CADM2: variants seen among roughly 807,000 people sequenced by gnomAD.
CADM2 encodes the protein immunoglobulin superfamily member 4D.
In CADM2, 12 loss-of-function variants were observed where a neutral mutation model predicts 49.8. The observed-to-expected ratio is 0.24, with a 90% CI of 0.15 to 0.39. CADM2 has a LOEUF of 0.39. Among genes scored for constraint, CADM2 ranks in the 10% least tolerant of loss-of-function variants. CADM2 has a pLI of 1.00. For synonymous variants in CADM2, 214 were observed against 175.4 expected, an observed-to-expected ratio of 1.22 and a Z score of -1.74; for missense variants, 378 against 492.3, an observed-to-expected ratio of 0.77 and a Z score of 2.20.
intron 2 of CADM2, among the ~76,000 whole-genome samples, chr3:85,778,941 G>T (rs2107984651): frequency 6.6e-6 from 1 of 152,164 alleles, no homozygotes; most frequent in East Asian, 1.9e-4. Flanking sequence ...TTGGACTTCA[G>T]CAATAAACAA....
chr3:85,413,954 T>G (rs2107477660), intron 1 of CADM2, among the ~76,000 whole-genome samples: 1 of 152,160 alleles, frequency 6.6e-6, no homozygotes, highest in Non-Finnish European at 1.5e-5. Flanking sequence ...AACCTCTGCC[T>G]CCAGGGTTCA....
chr3:85,819,361 A>G (rs1486387256), intron 3 of CADM2, among the ~76,000 whole-genome samples: 4 of 152,156 alleles, frequency 2.6e-5, no homozygotes, highest in Non-Finnish European at 1.5e-5. Context: ...CCCAGAAAAC[A>G]ACAATAATTT....
At chr3:85,315,236 G>A (rs1049504017) in intron 1 of CADM2, among the ~76,000 whole-genome samples, 2 of 152,088 alleles carry the variant, frequency 1.3e-5, no homozygotes, top group African/African-American at 4.8e-5. Flanking sequence ...CGATCCTCCT[G>A]TCTCAGCCTC....
At chr3:85,061,018 A>T (rs183783357) in intron 1 of CADM2, among the ~76,000 whole-genome samples, 43 of 152,280 alleles carry the variant, frequency 2.8e-4, no homozygotes, top group Admixed American at 1.3e-3. Flanking sequence ...ATGCTGAAGA[A>T]CTGTTAATCT....
At chr3:85,335,572 G>A (rs563175352) in intron 1 of CADM2, among the ~76,000 whole-genome samples, 4 of 150,506 alleles carry the variant, frequency 2.7e-5, no homozygotes, top group African/African-American at 7.3e-5. Context: ...TTTTTGTTGA[G>A]GACATTCAAA....
chr3:85,195,358 A>G (rs1355796249), intron 1 of CADM2, among the ~76,000 whole-genome samples: 3 of 152,048 alleles, frequency 2.0e-5, no homozygotes, highest in East Asian at 1.9e-4. Context: ...TTTGTACACC[A>G]TATCTATGAG....
chr3:85,043,699 A>C (rs1482489158), intron 1 of CADM2, among the ~76,000 whole-genome samples: 2 of 151,872 alleles, frequency 1.3e-5, no homozygotes, highest in Non-Finnish European at 2.9e-5. Flanking sequence ...AATAAATAAA[A>C]GGTCTGACAA....
At chr3:85,505,703 G>A (rs1294922894) in intron 1 of CADM2, among the ~76,000 whole-genome samples, 1 of 152,102 alleles carries the variant, frequency 6.6e-6, no homozygotes, top group Non-Finnish European at 1.5e-5. Context: ...TTTTATCTGT[G>A]TACCAGTCAA....
chr3:85,077,250 T>C (rs1218802351), intron 1 of CADM2, among the ~76,000 whole-genome samples: 1 of 152,170 alleles, frequency 6.6e-6, no homozygotes, highest in Admixed American at 6.6e-5. Flanking sequence ...GTTTGCAATG[T>C]TCCTATATTA....
chr3:85,089,676 T>C (rs927172640), intron 1 of CADM2, among the ~76,000 whole-genome samples: 5 of 152,278 alleles, frequency 3.3e-5, no homozygotes, highest in Admixed American at 3.3e-4. Context: ...ATTTTTTGTC[T>C]TAATTAGAGT....
intron 1 of CADM2, among the ~76,000 whole-genome samples, chr3:85,206,453 G>A (rs1296685231): frequency 2.0e-5 from 3 of 151,754 alleles, no homozygotes; most frequent in East Asian, 3.9e-4. Flanking sequence ...GACTACAGGC[G>A]CCCGTCACCA....
chr3:85,566,602 C>T (rs2062266423), intron 1 of CADM2, among the ~76,000 whole-genome samples: 1 of 151,714 alleles, frequency 6.6e-6, no homozygotes, highest in African/African-American at 2.4e-5. Context: ...CAACTGCAGT[C>T]AAATAACTGG....
intron 1 of CADM2, among the ~76,000 whole-genome samples, chr3:85,298,201 T>C (rs1048793589): frequency 9.9e-5 from 15 of 152,174 alleles, no homozygotes; most frequent in Admixed American, 9.8e-4. Context: ...AGTGCCACTA[T>C]GTTGATGCTA....
chr3:85,540,503 T>C (rs757318268), intron 1 of CADM2, among the ~76,000 whole-genome samples: 4 of 152,198 alleles, frequency 2.6e-5, no homozygotes, highest in African/African-American at 9.6e-5. Flanking sequence ...TCATCTGTGC[T>C]GACATCCACA....
At chr3:85,007,503 T>C (rs2033790694) in intron 1 of CADM2, among the ~76,000 whole-genome samples, 3 of 152,280 alleles carry the variant, frequency 2.0e-5, no homozygotes, top group South Asian at 2.1e-4. Context: ...AATAAAGGCA[T>C]ACAAAGAAAT....
rs1325971786 is a variant in CADM2 at position 85,113,743 on chromosome 3, T to A, written c.61+154075T>A. Among the ~76,000 whole-genome samples the A allele has an allele frequency of 4.0e-5, 6 of 150,814 alleles. No individual in the cohort carries two copies. The East Asian group carries it at 1.2e-3, about 29-fold the overall frequency. The stretch of plus-strand genomic sequence containing the variant: ...CTTATCAGGGGTTTAATGTGAGACC[T>A]GTCTTGTTCCAGTACATACTATTGT... On this transcript the variant is annotated intron_variant, in intron 1 of 9. Coordinates refer to ENST00000383699, the MANE Select transcript of CADM2 (RefSeq NM_001167675.2).
At position 85,068,874 on chromosome 3, in the gene CADM2, A is replaced by C. The variant is rs1212372115; in HGVS notation, c.61+109206A>C. 3.3e-5 allele frequency among the ~76,000 whole-genome samples: 5 copies of C among 152,026 alleles called. No homozygotes were observed. In the East Asian group the frequency reaches 9.7e-4, roughly 29 times the overall value. On this transcript the variant is annotated intron_variant, in intron 1 of 9. Transcript: ENST00000383699. Reference sequence around the variant, plus strand: ...CTTAGTATACCACATCATTTTCTGAAGATTGTTCTATGGTAATGAATTAGT... The same window carrying C: ...CTTAGTATACCACATCATTTTCTGACGATTGTTCTATGGTAATGAATTAGT...
At chr3:85,498,188 T>TGG (rs2039981567) in intron 1 of CADM2, among the ~76,000 whole-genome samples, 1 of 126,310 alleles carries the variant, frequency 7.9e-6, no homozygotes, top group Non-Finnish European at 1.8e-5. Flanking sequence ...TTTTTTTTTT[T>TGG]GTATTTTCTG....
chr3:85,349,947 A>G (rs1001723495), intron 1 of CADM2, among the ~76,000 whole-genome samples: 7 of 152,208 alleles, frequency 4.6e-5, no homozygotes, highest in Non-Finnish European at 8.8e-5. Flanking sequence ...AATCGTAAGG[A>G]AAAACTGCCT....
Sources: allele counts gnomAD v4.1 joint callset (sites outside exome capture counted in the v4.1 genomes callset), GRCh38; gene constraint gnomAD v4.1.1; transcripts MANE v1.5; gene names NCBI Gene and HGNC (gene_info 2026-07-23, HGNC 2026-07-21).